CDH23: variants seen among roughly 807,000 people sequenced by gnomAD.
The protein encoded by CDH23 is cadherin related 23, also known as cadherin-23.
In CDH23, 189 loss-of-function variants were observed where a neutral mutation model predicts 317.1. The ratio of observed to expected loss-of-function variants is 0.60; its 90% CI spans 0.53 to 0.67. CDH23 has a LOEUF of 0.67. Among genes scored for constraint, CDH23 ranks in the 30% least tolerant of loss-of-function variants. The pLI is 0.00. For missense variants in CDH23, 4,401 were observed against 4,592.4 expected (o/e 0.96, Z 1.20); for synonymous variants, 1,839 against 1,876.8 (o/e 0.98, Z 0.52).
At position 71,739,732 on chromosome 10, in the gene CDH23, G is replaced by C; in HGVS notation, c.4448G>C (p.Arg1483Thr). Residue 1483 changes from arginine (R) to threonine (T), a missense_variant, in exon 36 of 70, where the codon AGG becomes ACG. This residue lies in a region of CDH23 where 3,068 missense variants were observed against 3,203.3 expected (regional missense o/e 0.96). Transcript: ENST00000224721. Reference sequence around the variant, plus strand: ...TCCATTGGCGAAGTGTTTGTGGCCAGGCCCCTGGACAGAGAAGAGCTGGAT... The same window carrying C: ...TCCATTGGCGAAGTGTTTGTGGCCACGCCCCTGGACAGAGAAGAGCTGGAT... ...NDSIGEVFVA[R>T]PLDREELDHY... 1 of 1,613,332 alleles carries C rather than the reference G, an allele frequency of 6.2e-7. No homozygotes were observed. The highest frequency in any genetic ancestry group is 8.5e-7 in the Non-Finnish European group (1 of 1,179,710).
rs766367146 is a variant in CDH23 at position 71,725,376 on chromosome 10, C to T, written c.3435C>T (p.Asn1145=). The T allele has an allele frequency of 6.2e-7, 1 of 1,614,022 alleles. No individual in the cohort carries two copies. The highest frequency in any genetic ancestry group is 1.3e-5 in the African/African-American group (1 of 75,046). The change falls in exon 30 of 70, where the codon AAC becomes AAT. Residue 1145 remains asparagine (N), a synonymous_variant. Coordinates refer to ENST00000224721, the MANE Select transcript of CDH23 (RefSeq NM_022124.6). ...GGGGTCTGTCCCTCCACACAGGTAA[C>T]CATGGCAACAACTTCCGGATCCATG... ...GRVWYRILHG[N]HGNNFRIHVS...
chr10:71,625,421 A>AAAAAAAAAAAAC lies in CDH23; in HGVS notation c.1134+8031_1134+8032insAAAAAAAACAAA, dbSNP rs778124827. On this transcript the variant is annotated intron_variant, in intron 11 of 69. Transcript: ENST00000224721. ...TAAAAAAAAAAAAAAAAAAAAAAAAAAAATGACAAGGAGAAAAGGCCATAT... is the reference window on the plus strand; with the variant it reads ...TAAAAAAAAAAAAAAAAAAAAAAAAAAAAAAAAAAAACAAATGACAAGGAGAAAAGGCCATAT... 1.9e-4 allele frequency among the ~76,000 whole-genome samples: 18 copies of AAAAAAAAAAAAC among 92,358 alleles called. 1 individual carries two copies. The highest frequency in any genetic ancestry group is 3.4e-4 in the East Asian group (1 of 2,978). 60.6% of individuals were successfully genotyped at this position (92,358 alleles called of 152,430 possible). A position where few individuals can be genotyped will look rare whatever the true frequency, so the allele number is the denominator to read the frequency against.
At chr10:71,739,510 A>G in intron 35 of CDH23, 134 bp from the exon 36 acceptor site, 1 of 1,077,314 alleles carries the variant, frequency 9.3e-7, no homozygotes, top group Non-Finnish European at 1.3e-6. Flanking sequence ...TCTGCTTAAA[A>G]CACTGCACTC....
intron 38 of CDH23, among the ~76,000 whole-genome samples, chr10:71,766,112 G>A (rs1430500492): frequency 6.6e-6 from 1 of 152,226 alleles, no homozygotes; most frequent in Admixed American, 6.5e-5. Flanking sequence ...GTGTTGTCAG[G>A]GAAGCTGTGC....
chr10:71,400,199 A>G (rs1847716881), intron 1 of CDH23, among the ~76,000 whole-genome samples: 1 of 152,216 alleles, frequency 6.6e-6, no homozygotes, highest in African/African-American at 2.4e-5. Flanking sequence ...CCTCTGGATG[A>G]TGACCCTGAA....
intron 20 of CDH23, among the ~76,000 whole-genome samples, chr10:71,692,457 T>C (rs1431166979): frequency 5.9e-5 from 9 of 152,346 alleles, no homozygotes; most frequent in African/African-American, 2.2e-4. Context: ...TGGATCTAAT[T>C]TCCTAGACAG....
chr10:71,566,733 C>T lies in CDH23; in HGVS notation c.430-9C>T, dbSNP rs895181616. 1.3e-6 allele frequency: 2 copies of T among 1,582,882 alleles called. No individual in the cohort carries two copies. Among genetic ancestry groups the T allele is most frequent in the East Asian group, 2.3e-5 (1 of 44,406 alleles). On this transcript the variant is annotated splice_polypyrimidine_tract_variant and intron_variant, in intron 6 of 69. Coordinates refer to ENST00000224721, the MANE Select transcript of CDH23 (RefSeq NM_022124.6). ...CTCACCCTTGTACTTGCTTTGCTCT[C>T]ATCCCCAGAATACACCAGTGGGGAC... is the stretch of plus-strand genomic sequence containing the variant.
chr10:71,698,747 C>A (rs950147072), intron 22 of CDH23, among the ~76,000 whole-genome samples: 1 of 152,192 alleles, frequency 6.6e-6, no homozygotes, highest in African/African-American at 2.4e-5. Flanking sequence ...AGCTCTGACC[C>A]CTCTCCAAAT....
At chr10:71,748,519 G>A (rs1020182507) in intron 38 of CDH23, 7 of 152,288 alleles carry the variant, frequency 4.6e-5, no homozygotes, top group African/African-American at 1.7e-4. Flanking sequence ...GGGAATAAAG[G>A]CAGGAAGTCT....
intron 26 of CDH23, 114 bp from the exon 27 acceptor site, chr10:71,708,984 A>G: frequency 1.1e-6 from 1 of 930,686 alleles, no homozygotes; most frequent in Non-Finnish European, 1.7e-6. Context: ...TCAGCAGCAC[A>G]GCCTCCCACT....
At chr10:71,811,487 C>T in intron 63 of CDH23, 24 bp from the exon 64 acceptor site, 1 of 1,613,982 alleles carries the variant, frequency 6.2e-7, no homozygotes, top group East Asian at 2.2e-5. Flanking sequence ...ACTGCCCGGG[C>T]TTACCCTGGT....
intron 3 of CDH23, among the ~76,000 whole-genome samples, chr10:71,506,121 A>G (rs1853620424): frequency 1.3e-5 from 2 of 152,242 alleles, no homozygotes; most frequent in Non-Finnish European, 2.9e-5. Flanking sequence ...GCTAAGTGAA[A>G]GAGGTCAGGC....
rs756284806 is a variant in CDH23, at chr10:71,724,116, C to T, written c.3430+11C>T. On this transcript the variant is annotated intron_variant, in intron 29 of 69. Transcript: ENST00000224721. ...ACCGCATCCTCCATGGTAAGTGGGG[C>T]TGCCCTAGGATGGGGGGCGGTCCTC... The T allele has an allele frequency of 2.2e-5, 34 of 1,554,880 alleles. No homozygotes were observed. The highest frequency in any genetic ancestry group is 2.9e-5 in the Non-Finnish European group (33 of 1,148,750).
intron 30 of CDH23, 23 bp from the exon 31 acceptor site, chr10:71,730,446 C>T (rs757385467): frequency 6.2e-7 from 1 of 1,611,748 alleles, no homozygotes; most frequent in Non-Finnish European, 8.5e-7. Context: ...CCTGACCTTG[C>T]ACCCCTGGCC....
intron 67 of CDH23, 48 bp from the exon 68 acceptor site, chr10:71,812,720 A>C (rs1564809012): frequency 6.2e-7 from 1 of 1,612,664 alleles, no homozygotes; most frequent in South Asian, 1.1e-5. Flanking sequence ...TCCCTTGTAC[A>C]TGTGTGTGGG....
intron 40 of CDH23, 80 bp downstream of exon 40, chr10:71,778,388 G>T: frequency 1.3e-6 from 2 of 1,561,418 alleles, no homozygotes; most frequent in Non-Finnish European, 1.7e-6. Context: ...ATGCGGGAAG[G>T]GGTTAGGGGA....
At chr10:71,756,107 G>A (rs1840139038) in intron 38 of CDH23, among the ~76,000 whole-genome samples, 3 of 152,084 alleles carry the variant, frequency 2.0e-5, no homozygotes, top group African/African-American at 7.2e-5. Flanking sequence ...CTAGAAAAAC[G>A]TGAATCCTTG....
chr10:71,815,070 A>G lies in CDH23; in HGVS notation c.9857A>G (p.His3286Arg), dbSNP rs751310261. 6.2e-7 allele frequency: 1 copy of G among 1,611,848 alleles called. No homozygotes were observed. Residue 3286 changes from histidine (H) to arginine (R), a missense_variant, in exon 70 of 70, where the codon CAC becomes CGC. Physicochemically the swap from His to Arg is conservative, Grantham distance 29. Around this residue, in one of 3 missense-constraint regions of CDH23, gnomAD observed 1,144 missense variants for 1,138.2 expected, o/e 1.01. Coordinates refer to ENST00000224721, the MANE Select transcript of CDH23 (RefSeq NM_022124.6). ...GGGCCCGATGGGATCCATGTGGTGCACGGCAGCACGGGCACGCTGCTGGCC... is the reference window on the plus strand; with the variant it reads ...GGGCCCGATGGGATCCATGTGGTGCGCGGCAGCACGGGCACGCTGCTGGCC... ...LKGPDGIHVV[H>R]GSTGTLLATD...
intron 22 of CDH23, among the ~76,000 whole-genome samples, chr10:71,700,476 C>T (rs989184523): frequency 8.5e-5 from 13 of 152,232 alleles, no homozygotes; most frequent in South Asian, 2.1e-4. Flanking sequence ...ATCTGTGAAA[C>T]GACTTGGCCT....
Sources: gnomAD v4.1 joint callset for allele counts (sites outside exome capture counted in the v4.1 genomes callset) on GRCh38, gnomAD v4.1.1 for gene constraint, gnomAD v4.1.1 regional missense constraint, MANE v1.5 for transcripts, NCBI Gene and HGNC (gene_info 2026-07-23, HGNC 2026-07-21) for gene names.